Variants in ALG13 observed in about 807,000 individuals in gnomAD.
ALG13 encodes the protein UDP-N-acetylglucosamine transferase subunit ALG13.
In ALG13, 11 loss-of-function variants were observed where a neutral mutation model predicts 87.8. The observed-to-expected ratio is 0.13, with a 90% confidence interval of 0.08 to 0.21. The LOEUF is 0.21. ALG13 is among the 10% of genes least tolerant of loss of function. ALG13 has a pLI of 1.00. For missense variants in ALG13, 756 were observed against 866.1 expected (o/e 0.87, Z 1.60); for synonymous variants, 320 against 306.3 (o/e 1.04, Z -0.47).
intron 15 of ALG13, among the ~76,000 whole-genome samples, chrX:111,726,385 T>TA (rs1318603326): frequency 9.2e-6 from 1 of 108,707 alleles, no homozygotes; most frequent in Non-Finnish European, 1.9e-5. Flanking sequence ...AGGCGCACGT[T>TA]ACCACGCCTG....
chrX:111,751,774 TAAA>T (rs990354646), intron 24 of ALG13, among the ~76,000 whole-genome samples: 9 of 111,730 alleles, frequency 8.1e-5, no homozygotes, highest in Non-Finnish European at 1.7e-4. Context: ...GTCTCCAACT[TAAA>T]GAGGGATTTT....
chrX:111,747,727 C>T (rs1040651774), intron 24 of ALG13, among the ~76,000 whole-genome samples: 1 of 111,917 alleles, frequency 8.9e-6, no homozygotes, highest in African/African-American at 3.2e-5. Flanking sequence ...CCTCGTGATC[C>T]ACCCACCTCG....
intron 8 of ALG13, among the ~76,000 whole-genome samples, chrX:111,715,035 T>C (rs931268654): frequency 8.0e-5 from 9 of 112,078 alleles, no homozygotes; most frequent in African/African-American, 2.9e-4. Flanking sequence ...TGAAGACTCA[T>C]GCAGTAAACA....
intron 3 of ALG13, chrX:111,687,801 G>A (rs1457554443): frequency 3.5e-6 from 3 of 858,097 alleles, no homozygotes; most frequent in Non-Finnish European, 4.8e-6. Context: ...TATATTCTTG[G>A]AAGTTAGATT....
Position 111,682,163 on chromosome X carries a change from T to C in ALG13, c.113T>C (p.Ile38Thr), listed in dbSNP as rs11545580. The C allele has an allele frequency of 1.7e-6, 2 of 1,194,706 alleles. No individual in the cohort carries two copies. Among genetic ancestry groups the C allele is most frequent in the Non-Finnish European group, 2.3e-6 (2 of 888,332 alleles). The change falls in exon 2 of 27, where the codon ATC (isoleucine) becomes ACC (threonine). Residue 38 changes from isoleucine (I) to threonine (T), a missense_variant. Physicochemically the swap from Ile to Thr is moderately conservative, Grantham distance 89. Around this residue, in one of 9 missense-constraint regions of ALG13, gnomAD observed 153 missense variants for 168.7 expected, o/e 0.91. Transcript: ENST00000394780. ...GAGAGCCTTGGTTACAACCGACTTATCCTGCAAATTGGTAGAGGAACGGTG... is the reference window on the plus strand; with the variant it reads ...GAGAGCCTTGGTTACAACCGACTTACCCTGCAAATTGGTAGAGGAACGGTG... ...KIESLGYNRL[I>T]LQIGRGTVVP...
chrX:111,704,395 C>T (rs1308420686), intron 3 of ALG13, among the ~76,000 whole-genome samples: 2 of 111,671 alleles, frequency 1.8e-5, no homozygotes, highest in African/African-American at 6.5e-5. Context: ...CAAAAACTTG[C>T]ATGTGAATAT....
At chrX:111,699,047 A>G (rs7053629) in intron 3 of ALG13, among the ~76,000 whole-genome samples, 6,082 of 111,883 alleles carry the variant, frequency 0.054, 398 homozygotes, top group African/African-American at 0.19. Context: ...TTAAATAAAA[A>G]CCATTCTAAC....
chrX:111,704,676 G>T (rs1221153359), intron 3 of ALG13, among the ~76,000 whole-genome samples: 1 of 111,645 alleles, frequency 9.0e-6, no homozygotes, highest in Non-Finnish European at 1.9e-5. Context: ...TCTGGGGTTG[G>T]TGGGGATAGA....
At chrX:111,737,978 G>T (rs1036683371) in intron 23 of ALG13, among the ~76,000 whole-genome samples, 2 of 112,174 alleles carry the variant, frequency 1.8e-5, no homozygotes, top group East Asian at 5.6e-4. Flanking sequence ...AAAAGAAAAG[G>T]ATTAAGGTCA....
In ALG13 at chrX:111,733,126, C is replaced by A. The variant is rs770661998; in HGVS notation, c.2458-1925C>A. ...ATTATCAGCATACATTAAAAAAAAA[C>A]TCTTTGTCTTTAATTTTTAATTTCA... is the stretch of plus-strand genomic sequence containing the variant. On this transcript the variant is annotated intron_variant, in intron 21 of 26. Coordinates refer to ENST00000394780, the MANE Select transcript of ALG13 (RefSeq NM_001099922.3). 2.7e-5 allele frequency among the ~76,000 whole-genome samples: 3 copies of A among 111,055 alleles called. No homozygotes were observed. The East Asian group carries it at 8.5e-4, about 31-fold the overall frequency.
intron 23 of ALG13, among the ~76,000 whole-genome samples, chrX:111,739,639 T>A (rs1477411090): frequency 8.9e-6 from 1 of 112,312 alleles, no homozygotes; most frequent in Admixed American, 9.4e-5. Context: ...GGAAAGAATA[T>A]GTGAACCAGC....
intron 23 of ALG13, 171 bp downstream of exon 23, chrX:111,737,050 G>T (rs1943311542): frequency 2.4e-6 from 1 of 415,112 alleles, no homozygotes. Context: ...GAGAGTCAGG[G>T]ATTCAAGTTT....
intron 18 of ALG13, 41 bp from the exon 19 acceptor site, chrX:111,728,144 T>C: frequency 8.3e-7 from 1 of 1,209,237 alleles, no homozygotes; most frequent in Non-Finnish European, 1.1e-6. Flanking sequence ...TTTCTGACTA[T>C]ATAGTGAGAA....
intron 3 of ALG13, among the ~76,000 whole-genome samples, chrX:111,695,734 T>C (rs1364825708): frequency 9.0e-6 from 1 of 111,502 alleles, no homozygotes; most frequent in Non-Finnish European, 1.9e-5. Context: ...ATTCTTTGTC[T>C]TGCCTTTATT....
chrX:111,695,625 A>C (rs190572320), intron 3 of ALG13, among the ~76,000 whole-genome samples: 2 of 111,779 alleles, frequency 1.8e-5, no homozygotes, highest in Non-Finnish European at 3.8e-5. Flanking sequence ...TTGTCATGCT[A>C]TCAGGTGGAA....
At chrX:111,688,370 T>C (rs1935492683) in intron 3 of ALG13, 1 of 720,142 alleles carries the variant, frequency 1.4e-6, no homozygotes, top group Non-Finnish European at 1.6e-6. Flanking sequence ...TAACAACTTT[T>C]ATGTAAAAAA....
intron 23 of ALG13, among the ~76,000 whole-genome samples, chrX:111,738,017 A>C (rs961370827): frequency 3.5e-5 from 4 of 112,809 alleles, no homozygotes; most frequent in African/African-American, 1.3e-4. Flanking sequence ...CTTAAGGAAT[A>C]AAAAGCAGAA....
intron 15 of ALG13, 50 bp from the exon 16 acceptor site, chrX:111,726,758 CT>C: frequency 1.7e-6 from 2 of 1,199,267 alleles, no homozygotes; most frequent in South Asian, 3.6e-5. Flanking sequence ...TACACTGGGC[CT>C]TTTGCTTTGA....
intron 3 of ALG13, chrX:111,689,434 G>T: frequency 1.3e-6 from 1 of 753,091 alleles, no homozygotes; most frequent in Non-Finnish European, 1.6e-6. Context: ...TCAAATATCA[G>T]ACAACTAAAA....
Sources: allele counts gnomAD v4.1 joint callset (sites outside exome capture counted in the v4.1 genomes callset), GRCh38; gene constraint gnomAD v4.1.1; regional missense constraint gnomAD v4.1.1; transcripts MANE v1.5; gene names NCBI Gene and HGNC (gene_info 2026-07-23, HGNC 2026-07-21).